Variants in CDK5RAP1 observed in about 807,000 individuals in gnomAD.
CDK5RAP1 encodes CDK5RAP1 mitochondrial tRNA methylthiotransferase.
A neutral mutation model predicts 64.5 loss-of-function variants in CDK5RAP1; 62 were observed. The ratio of observed to expected loss-of-function variants is 0.96; its 90% CI spans 0.78 to 1.19. CDK5RAP1 has a LOEUF of 1.19. Among genes scored for constraint, CDK5RAP1 ranks in the 50% most tolerant of loss-of-function variants. CDK5RAP1 has a pLI of 0.00. For synonymous variants in CDK5RAP1, 250 were observed against 261.9 expected (o/e 0.95, Z 0.44); for missense variants, 657 against 735.0 (o/e 0.89, Z 1.23).
chr20:33,394,997 T>C lies in CDK5RAP1; in HGVS notation c.408+16A>G, dbSNP rs941538092. 1.6e-5 allele frequency: 23 copies of C among 1,456,374 alleles called. No homozygotes were observed. Among genetic ancestry groups the C allele is most frequent in the African/African-American group, 7.0e-5 (5 of 71,888 alleles). The allele number at this position is 1,456,374 out of a possible 1,614,324, so 90.2% of individuals were successfully genotyped here. ...GCCCAGGTCCAGGAAACAAAGGAAATAGGAAATGCATGTACCTCTTGGAGG... is the reference window on the plus strand; with the variant it reads ...GCCCAGGTCCAGGAAACAAAGGAAACAGGAAATGCATGTACCTCTTGGAGG... On this transcript the variant is annotated intron_variant, in intron 3 of 13. Transcript: ENST00000346416.
intron 8 of CDK5RAP1, 23 bp from the exon 9 acceptor site, chr20:33,374,235 A>G (rs1985593214): frequency 1.4e-6 from 2 of 1,471,042 alleles, no homozygotes; most frequent in Non-Finnish European, 1.9e-6. Context: ...AACACATTAT[A>G]GGTAATCACA....
rs1987329589 is a variant in CDK5RAP1 at position 33,385,640 on chromosome 20, A to G, written c.876+10T>C. ...ATGTTCACAGCAAGAAAGCCTGGAG[A>G]ACTCTTCACCTGCTCAGAAAGCTTC... is the stretch of plus-strand genomic sequence containing the variant. On this transcript the variant is annotated intron_variant, in intron 7 of 13. Coordinates refer to ENST00000346416, the MANE Select transcript of CDK5RAP1 (RefSeq NM_016408.4). The G allele has an allele frequency of 6.2e-7, 1 of 1,613,818 alleles. No individual in the cohort carries two copies. The highest frequency in any genetic ancestry group is 1.7e-4 in the Middle Eastern group (1 of 6,060).
rs1987463646 is a variant in CDK5RAP1 at position 33,386,641 on chromosome 20, A to G, written c.755+682T>C. ...GAAAGCCTCAATCTATCTGAAGGAAATAATTACGGCTATGTATCAAAGACG... is the reference window on the plus strand; with the variant it reads ...GAAAGCCTCAATCTATCTGAAGGAAGTAATTACGGCTATGTATCAAAGACG... On this transcript the variant is annotated intron_variant, in intron 6 of 13. Coordinates refer to ENST00000346416, the MANE Select transcript of CDK5RAP1 (RefSeq NM_016408.4). Among the ~76,000 whole-genome samples the G allele has an allele frequency of 2.0e-5, 3 of 152,300 alleles. No individual in the cohort carries two copies. The South Asian group carries it at 6.2e-4, about 32-fold the overall frequency.
intron 7 of CDK5RAP1, among the ~76,000 whole-genome samples, chr20:33,380,308 G>A (rs1986574818): frequency 6.6e-6 from 1 of 152,120 alleles, no homozygotes; most frequent in Admixed American, 6.6e-5. Context: ...GCTCACTGTA[G>A]CCTCAACCTC....
intron 7 of CDK5RAP1, among the ~76,000 whole-genome samples, chr20:33,383,765 A>ATTT: frequency 1.0e-5 from 1 of 98,680 alleles, no homozygotes; most frequent in South Asian, 3.7e-4. Context: ...AAAAAAAATC[A>ATTT]GCCAGGTGTG....
At chr20:33,368,906 T>C (rs1424007436) in intron 11 of CDK5RAP1, among the ~76,000 whole-genome samples, 1 of 151,724 alleles carries the variant, frequency 6.6e-6, no homozygotes, top group African/African-American at 2.4e-5. Flanking sequence ...CTTGGGAGGC[T>C]GAGGTGGGTG....
In CDK5RAP1 at chr20:33,401,476, G is replaced by C. The variant is rs1180843763; in HGVS notation, c.-69C>G. On this transcript the variant is annotated 5_prime_UTR_variant, in exon 1 of 14. Coordinates refer to ENST00000346416, the MANE Select transcript of CDK5RAP1 (RefSeq NM_016408.4). ...GGGGTCCCGCAGCGTAAGTTCTGCCGGCAAGTCGGATCCCCTCACAGGTCC... is the reference window on the plus strand; with the variant it reads ...GGGGTCCCGCAGCGTAAGTTCTGCCCGCAAGTCGGATCCCCTCACAGGTCC... 2 of 985,416 alleles carry C rather than the reference G, an allele frequency of 2.0e-6. No individual in the cohort carries two copies. The highest frequency in any genetic ancestry group is 2.4e-6 in the Non-Finnish European group (2 of 829,910). 61.0% of individuals were successfully genotyped at this position (985,416 alleles called of 1,614,324 possible). A position where few individuals can be genotyped will look rare whatever the true frequency, so the allele number is the denominator to read the frequency against.
intron 1 of CDK5RAP1, among the ~76,000 whole-genome samples, 198 bp downstream of exon 1, chr20:33,401,230 A>G (rs1190589417): frequency 6.6e-6 from 1 of 152,160 alleles, no homozygotes; most frequent in Non-Finnish European, 1.5e-5. Flanking sequence ...AGTGGAGGTG[A>G]CCTGTCCAAG....
At position 33,385,637 on chromosome 20, in the gene CDK5RAP1, G is replaced by A. The variant is rs1416378155; in HGVS notation, c.876+13C>T. On this transcript the variant is annotated intron_variant, in intron 7 of 13. Coordinates refer to ENST00000346416, the MANE Select transcript of CDK5RAP1 (RefSeq NM_016408.4). ...AACATGTTCACAGCAAGAAAGCCTG[G>A]AGAACTCTTCACCTGCTCAGAAAGC... The A allele has an allele frequency of 4.3e-6, 7 of 1,613,714 alleles. No individual in the cohort carries two copies. Among genetic ancestry groups the A allele is most frequent in the East Asian group, 2.2e-5 (1 of 44,874 alleles).
intron 7 of CDK5RAP1, among the ~76,000 whole-genome samples, chr20:33,381,719 C>T (rs954409321): frequency 2.6e-5 from 4 of 152,190 alleles, no homozygotes; most frequent in East Asian, 1.9e-4. Flanking sequence ...TGAGCCACCA[C>T]GCCCAGCCCA....
chr20:33,366,901 A>C lies in CDK5RAP1; in HGVS notation c.1500T>G (p.Asn500Lys). 2 of 1,614,030 alleles carry C rather than the reference A, an allele frequency of 1.2e-6. No individual in the cohort carries two copies. The highest frequency in any genetic ancestry group is 1.7e-6 in the Non-Finnish European group (2 of 1,179,992). Residue 500 changes from asparagine (N) to lysine (K), a missense_variant, in exon 12 of 14, where the codon AAT becomes AAG. By Grantham distance (94) the Asn-to-Lys change is moderately conservative (BLOSUM62 0). Coordinates refer to ENST00000346416, the MANE Select transcript of CDK5RAP1 (RefSeq NM_016408.4). ...TIFREEATKA[N>K]QTSVGCTQLV... ...ACTGGGTACAGCCCACAGAGGTCTG[A>C]TTGGCTTTTGTTGCTTCTTCTCGGA...
intron 5 of CDK5RAP1, among the ~76,000 whole-genome samples, chr20:33,388,655 C>T (rs959986976): frequency 2.0e-5 from 3 of 151,362 alleles, no homozygotes; most frequent in African/African-American, 7.3e-5. Context: ...TCTCTTTCCA[C>T]GGTCTCCCTC....
At chr20:33,377,455 C>T (rs113877214) in intron 8 of CDK5RAP1, among the ~76,000 whole-genome samples, 3,433 of 152,256 alleles carry the variant, frequency 0.023, 236 homozygotes, top group Admixed American at 0.14. Flanking sequence ...TGTAAGTCAA[C>T]CTCTGCTAGC....
chr20:33,395,986 C>T (rs1988863743), intron 2 of CDK5RAP1, among the ~76,000 whole-genome samples: 1 of 152,088 alleles, frequency 6.6e-6, no homozygotes, highest in African/African-American at 2.4e-5. Flanking sequence ...TGTGCTCCAG[C>T]CTGGGCGACA....
At chr20:33,399,074 C>A (rs992235598) in intron 1 of CDK5RAP1, among the ~76,000 whole-genome samples, 1 of 151,828 alleles carries the variant, frequency 6.6e-6, no homozygotes, top group Non-Finnish European at 1.5e-5. Context: ...CAGGTACATA[C>A]AATATCTCTA....
At chr20:33,389,037 G>C (rs371609813) in intron 5 of CDK5RAP1, among the ~76,000 whole-genome samples, 5 of 151,944 alleles carry the variant, frequency 3.3e-5, no homozygotes, top group South Asian at 2.1e-4. Flanking sequence ...GCCTCTGCCC[G>C]GCCGCCACCC....
At chr20:33,395,170 T>C (rs1988792207) in intron 2 of CDK5RAP1, 54 bp from the exon 3 acceptor site, 1 of 1,047,634 alleles carries the variant, frequency 9.5e-7, no homozygotes. Flanking sequence ...AGGGGTCTCG[T>C]GTCTCAAAAG....
In CDK5RAP1 at chr20:33,392,033, T is replaced by A. The variant is rs764443729; in HGVS notation, c.544+109A>T. 1.7e-5 allele frequency: 12 copies of A among 711,068 alleles called. No homozygotes were observed. In the Middle Eastern group the frequency reaches 1.1e-3, roughly 68 times the overall value. The allele number at this position is 711,068 out of a possible 1,614,324, so 44.0% of individuals were successfully genotyped here. ...AAGTACAAGAATTGCATGGGATATA[T>A]AAGATTTCTTCAGACACTGGGAATC... is the stretch of plus-strand genomic sequence containing the variant. On this transcript the variant is annotated intron_variant, in intron 5 of 13. Transcript: ENST00000346416.
chr20:33,375,401 CAAA>C (rs200212971), intron 8 of CDK5RAP1, among the ~76,000 whole-genome samples: 4 of 57,442 alleles, frequency 7.0e-5, no homozygotes, highest in Admixed American at 3.8e-4. Flanking sequence ...GACTCCATCT[CAAA>C]AAAAAAAAAA....
Sources: gnomAD v4.1 joint callset for allele counts (sites outside exome capture counted in the v4.1 genomes callset) on GRCh38, gnomAD v4.1.1 for gene constraint, MANE v1.5 for transcripts, NCBI Gene and HGNC (gene_info 2026-07-23, HGNC 2026-07-21) for gene names.